BCL3: variants seen among roughly 807,000 people sequenced by gnomAD.
BCL3 encodes B-cell lymphoma 3 protein.
BCL3 carries 15 observed loss-of-function variants against 35.7 expected under a neutral mutation model. The ratio of observed to expected loss-of-function variants is 0.42; its 90% CI spans 0.28 to 0.65. The LOEUF is 0.65. Among genes scored for constraint, BCL3 ranks in the 30% least tolerant of loss-of-function variants. BCL3 has a pLI of 0.22. For synonymous variants in BCL3, 311 were observed against 284.3 expected, an observed-to-expected ratio of 1.09 and a Z score of -0.95; for missense variants, 565 against 641.7, an observed-to-expected ratio of 0.88 and a Z score of 1.29.
At chr19:44,748,111 G>C, upstream of BCL3, 2 of 1,322,242 alleles carry the variant, frequency 1.5e-6, no homozygotes, top group African/African-American at 1.5e-5. Flanking sequence ...GAAGTGTTTG[G>C]CCAAGGTCAC....
In BCL3 at chr19:44,757,907, T is replaced by C. The variant is rs1456680200; in HGVS notation, c.891+184T>C. ...GGGCTCCACGCCCCTGGCTACGAAC[T>C]TGTCCCATTCCTCCTCTGCCACCTC... On this transcript the variant is annotated intron_variant, in intron 6 of 8. Transcript: ENST00000164227. This position sits in a 1 kb window ranked among gnomAD's most constrained non-coding sequence, Gnocchi z 8.4. 6.6e-6 allele frequency among the ~76,000 whole-genome samples: 1 copy of C among 152,110 alleles called. No individual in the cohort carries two copies. Among genetic ancestry groups the C allele is most frequent in the African/African-American group, 2.4e-5 (1 of 41,422 alleles).
chr19:44,758,198 C>A, intron 6 of BCL3, 48 bp from the exon 7 acceptor site: 3 of 1,425,162 alleles, frequency 2.1e-6, no homozygotes, highest in South Asian at 1.5e-5. Context: ...TGTTCCCTTA[C>A]CCCGGGTGGC....
intron 1 of BCL3, 43 bp from the exon 2 acceptor site, chr19:44,751,184 G>A (rs376918851): frequency 1.9e-5 from 30 of 1,576,712 alleles, no homozygotes; most frequent in African/African-American, 1.2e-4. Context: ...GGGTCTGTGG[G>A]TGTGGCCTCA....
intron 8 of BCL3, 40 bp from the exon 9 acceptor site, chr19:44,759,388 C>G (rs368635715): frequency 1.3e-6 from 2 of 1,528,480 alleles, no homozygotes; most frequent in African/African-American, 2.8e-5. Flanking sequence ...CTGGGTCTAG[C>G]CTCTCACCAC....
intron 7 of BCL3, 43 bp from the exon 8 acceptor site, chr19:44,758,681 G>A: frequency 6.7e-7 from 1 of 1,502,274 alleles, no homozygotes; most frequent in South Asian, 1.2e-5. Flanking sequence ...AGAGAGGACT[G>A]TGAGGCATGG....
In BCL3 at chr19:44,748,976, C is replaced by A; in HGVS notation, c.186C>A (p.Gly62=). 1 of 1,376,892 alleles carries A rather than the reference C, an allele frequency of 7.3e-7. No homozygotes were observed. Among genetic ancestry groups the A allele is most frequent in the Non-Finnish European group, 9.4e-7 (1 of 1,062,782 alleles). 85.3% of individuals were successfully genotyped at this position (1,376,892 alleles called of 1,614,324 possible). The change falls in exon 1 of 9, where the codon GGC becomes GGA. Residue 62 remains glycine, a synonymous_variant. Transcript: ENST00000164227. ...TCGTCCCCCTGGACCCTCTGCGCGG[C>A]GGCTGCGACCTGCCGGCGGTCCCCG... ...GLVVPLDPLR[G]GCDLPAVPGP... is the part of the protein sequence containing the mutation.
In BCL3 at chr19:44,752,594, T is replaced by C. The variant is rs114221119; in HGVS notation, c.410+1214T>C. On this transcript the variant is annotated intron_variant, in intron 2 of 8. Coordinates refer to ENST00000164227, the MANE Select transcript of BCL3 (RefSeq NM_005178.5). Reference sequence around the variant, plus strand: ...TACATTAATTTGAAGATCCCCTAAATTGATTTCACAACCCCCATGGTTTAT... The same window carrying C: ...TACATTAATTTGAAGATCCCCTAAACTGATTTCACAACCCCCATGGTTTAT... Among the ~76,000 whole-genome samples the C allele has an allele frequency of 2.9e-3, 445 of 152,330 alleles. 6 individuals are homozygous for C. Among genetic ancestry groups the C allele is most frequent in the African/African-American group, 0.01 (426 of 41,572 alleles).
chr19:44,757,407 G>A lies in BCL3; in HGVS notation c.805G>A (p.Asp269Asn), dbSNP rs1436564555. 1 of 1,597,088 alleles carries A rather than the reference G, an allele frequency of 6.3e-7. No individual in the cohort carries two copies. The highest frequency in any genetic ancestry group is 8.5e-7 in the Non-Finnish European group (1 of 1,172,310). ...QLLLERGADI[D>N]AVDIKSGRSP... ...CTTGCTAGAGCGCGGTGCCGACATC[G>A]ACGCAGTGGTGAGCGTGCACTAGGA... The change falls in exon 5 of 9, where the codon GAC becomes AAC. Residue 269 changes from aspartate (D) to asparagine (N), a missense_variant. Asp to Asn is a conservative substitution (Grantham distance 23). Coordinates refer to ENST00000164227, the MANE Select transcript of BCL3 (RefSeq NM_005178.5). The surrounding 1 kb of genome is among the most constrained non-coding windows in gnomAD (Gnocchi z 8.4).
chr19:44,752,385 G>A (rs749726263), intron 2 of BCL3, among the ~76,000 whole-genome samples: 1 of 146,120 alleles, frequency 6.8e-6, no homozygotes, highest in African/African-American at 2.5e-5. Flanking sequence ...TTTTTTTTTT[G>A]TAGAAACACA....
chr19:44,751,159 T>C, intron 1 of BCL3, 68 bp from the exon 2 acceptor site: 1 of 1,547,424 alleles, frequency 6.5e-7, no homozygotes, highest in South Asian at 1.2e-5. Flanking sequence ...GTTTTAGAAG[T>C]GGGGGGCGGG....
At position 44,759,583 on chromosome 19, in the gene BCL3, G is replaced by T. The variant is rs749562814; in HGVS notation, c.1333G>T (p.Val445Leu). 1 of 1,608,490 alleles carries T rather than the reference G, an allele frequency of 6.2e-7. No individual in the cohort carries two copies. Among genetic ancestry groups the T allele is most frequent in the Admixed American group, 1.7e-5 (1 of 59,704 alleles). The change falls in exon 9 of 9, where the codon GTG becomes TTG. Residue 445 changes from valine to leucine, a missense_variant. By Grantham distance (32) the Val-to-Leu change is conservative. Around this residue, in one of 5 missense-constraint regions of BCL3, gnomAD observed 151 missense variants for 138.1 expected, o/e 1.09. Transcript: ENST00000164227. ...GGTCCTCCGAGGCCCTGGCCGGCCG[G>T]TGCCCCCCTCCCCAGCTCCAGGAGG... ...AGVLRGPGRP[V>L]PPSPAPGGS
At position 44,748,926 on chromosome 19, in the gene BCL3, G is replaced by T; in HGVS notation, c.136G>T (p.Ala46Ser). Residue 46 changes from alanine (A) to serine (S), a missense_variant, in exon 1 of 9, where the codon GCT (alanine) becomes TCT (serine). By Grantham distance (99) the Ala-to-Ser change is moderately conservative (BLOSUM62 1). Coordinates refer to ENST00000164227, the MANE Select transcript of BCL3 (RefSeq NM_005178.5). ...GCGCGCGCCCTCCCCGGAGCCCGCC[G>T]CTCCCCGCGGCGCTGCGGGCCTTGT... ...PLRAPSPEPA[A>S]PRGAAGLVVP... 1.7e-6 allele frequency: 2 copies of T among 1,185,494 alleles called. No individual in the cohort carries two copies. The highest frequency in any genetic ancestry group is 2.1e-6 in the Non-Finnish European group (2 of 958,538). 73.4% of individuals were successfully genotyped at this position (1,185,494 alleles called of 1,614,324 possible). A position where few individuals can be genotyped will look rare whatever the true frequency, so the allele number is the denominator to read the frequency against.
chr19:44,756,406 G>A (rs1967282503), intron 3 of BCL3, 66 bp downstream of exon 3: 1 of 1,226,270 alleles, frequency 8.2e-7, no homozygotes, highest in Non-Finnish European at 1.1e-6. Context: ...GGAGGGGCTG[G>A]GGGCCTGAAC....
At chr19:44,755,313 T>C (rs1020113266) in intron 2 of BCL3, 1 of 152,330 alleles carries the variant, frequency 6.6e-6, no homozygotes, top group Non-Finnish European at 1.5e-5. Context: ...CGGCCTCAGC[T>C]GTCCCACAGG....
intron 2 of BCL3, chr19:44,755,360 CA>C (rs1394208050): frequency 6.6e-6 from 1 of 152,292 alleles, no homozygotes; most frequent in Non-Finnish European, 1.5e-5. Flanking sequence ...GCATTGGGGT[CA>C]GGAGGCTAGG....
intron 1 of BCL3, among the ~76,000 whole-genome samples, chr19:44,750,373 A>C (rs1168609445): frequency 6.6e-6 from 1 of 151,976 alleles, no homozygotes; most frequent in East Asian, 1.9e-4. Context: ...ATCTCGGCTC[A>C]CTGCAACCTC....
rs1438140757 is a variant in BCL3 at position 44,756,233 on chromosome 19, C to G, written c.412C>G (p.Pro138Ala). The G allele has an allele frequency of 1.3e-6, 2 of 1,488,460 alleles. No individual in the cohort carries two copies. The highest frequency in any genetic ancestry group is 1.8e-4 in the Middle Eastern group (1 of 5,528). The allele number at this position is 1,488,460 out of a possible 1,614,324, so 92.2% of individuals were successfully genotyped here. The part of the protein sequence containing the change: ...ATRADEDGDT[P>A]LHIAVVQGNL... ...ATTCCTTCACTCCCCCACCCCCAGGCCTCTCCATATTGCTGTGGTGCAGGG... is the reference window on the plus strand; with the variant it reads ...ATTCCTTCACTCCCCCACCCCCAGGGCTCTCCATATTGCTGTGGTGCAGGG... The change falls in exon 3 of 9, where the codon CCT becomes GCT. Residue 138 changes from proline to alanine, a missense_variant and splice_region_variant. By Grantham distance (27) the Pro-to-Ala change is conservative (BLOSUM62 -1). Transcript: ENST00000164227.
chr19:44,748,075 C>G, upstream of BCL3: 1 of 1,342,624 alleles, frequency 7.4e-7, no homozygotes, highest in Non-Finnish European at 9.8e-7. Flanking sequence ...TTCACTCCCA[C>G]TAAGGAGGAA....
rs763413198 is a variant in BCL3, at chr19:44,757,148, C to G, written c.651C>G (p.Ser217Arg). 3.1e-6 allele frequency: 5 copies of G among 1,590,416 alleles called. No individual in the cohort carries two copies. The highest frequency in any genetic ancestry group is 4.3e-6 in the Non-Finnish European group (5 of 1,169,032). Reference protein sequence around the residue: ...TAAHLACEHRSPTCLRALLDS... With the variant: ...TAAHLACEHRRPTCLRALLDS... ...CTCACCTGGCGTGCGAGCACCGCAG[C>G]CCGACCTGCCTGCGAGCCCTGCTGG... Residue 217 changes from serine (S) to arginine (R), a missense_variant, in exon 4 of 9, where the codon AGC becomes AGG. By Grantham distance (110) the Ser-to-Arg change is moderately radical. Coordinates refer to ENST00000164227, the MANE Select transcript of BCL3 (RefSeq NM_005178.5). The surrounding 1 kb of genome is among the most constrained non-coding windows in gnomAD (Gnocchi z 8.4).
Sources: allele counts gnomAD v4.1 joint callset (sites outside exome capture counted in the v4.1 genomes callset), GRCh38; gene constraint gnomAD v4.1.1; regional missense constraint gnomAD v4.1.1; non-coding constraint Gnocchi (gnomAD v3.1); transcripts MANE v1.5; gene names NCBI Gene and HGNC (gene_info 2026-07-23, HGNC 2026-07-21).